Variants in MYH13 observed in about 807,000 individuals in gnomAD.
The protein encoded by MYH13 is myosin heavy chain 13, also known as myosin-13.
In MYH13, 177 loss-of-function variants were observed where a neutral mutation model predicts 232.1. The ratio of observed to expected loss-of-function variants is 0.76; its 90% CI spans 0.67 to 0.86. The LOEUF is 0.86. Ranked by LOEUF, MYH13 falls within the 40% of genes least tolerant of loss-of-function variation. The probability of loss-of-function intolerance (pLI) is 0.00; values close to 1 mark genes in which losing one functional copy is unlikely to be tolerated. For missense variants in MYH13, 2,246 were observed against 2,405.9 expected, an observed-to-expected ratio of 0.93 and a Z score of 1.39; for synonymous variants, 884 against 923.5, an observed-to-expected ratio of 0.96 and a Z score of 0.78.
Position 10,301,716 on chromosome 17 carries a change from CAG to C in MYH13, c.5668-15_5668-14del, listed in dbSNP as rs1906099734. ...TGGCCTGCTCCTCCTGCACAGGAGA[CAG>C]AGGGGGTATGACGCTGTAGAGCCTC... On this transcript the variant is annotated splice_polypyrimidine_tract_variant and intron_variant, in intron 39 of 40. Transcript: ENST00000252172. 6.2e-7 allele frequency: 1 copy of C among 1,612,434 alleles called. No individual in the cohort carries two copies. The highest frequency in any genetic ancestry group is 8.5e-7 in the Non-Finnish European group (1 of 1,179,792).
chr17:10,328,249 G>A, intron 21 of MYH13, 128 bp from the exon 22 acceptor site: 1 of 1,062,062 alleles, frequency 9.4e-7, no homozygotes. Flanking sequence ...AGCCAAGCTT[G>A]GCAGATCCTC....
intron 7 of MYH13, among the ~76,000 whole-genome samples, chr17:10,358,255 C>T (rs1456327041): frequency 6.6e-6 from 1 of 152,112 alleles, no homozygotes; most frequent in African/African-American, 2.4e-5. Context: ...GGGGATGATA[C>T]AATAACAACA....
intron 24 of MYH13, 163 bp from the exon 25 acceptor site, chr17:10,320,659 CCT>C: frequency 1.3e-6 from 1 of 757,432 alleles, no homozygotes; most frequent in Non-Finnish European, 2.1e-6. Context: ...CCCTACCTCC[CCT>C]CTCTTCTGTC....
In MYH13 at chr17:10,309,545, G is replaced by A. The variant is rs375642990; in HGVS notation, c.4942C>T (p.Arg1648Cys). The A allele has an allele frequency of 9.5e-5, 153 of 1,611,626 alleles. 1 individual carries two copies. In the South Asian group the frequency reaches 1.1e-3, roughly 11 times the overall value. The part of the protein sequence containing the change: ...RQMAETQKHL[R>C]TVQGQLKDSQ... ...ACCTTGAGCTGGCCCTGGACCGTGC[G>A]CAGATGCTTCTGGGTCTCTGCCATC... The change falls in exon 34 of 41, where the codon CGC becomes TGC. Residue 1648 changes from arginine to cysteine, a missense_variant. Coordinates refer to ENST00000252172, the MANE Select transcript of MYH13 (RefSeq NM_003802.3).
chr17:10,308,870 C>T (rs1028223623), intron 35 of MYH13, among the ~76,000 whole-genome samples: 29 of 152,094 alleles, frequency 1.9e-4, no homozygotes, highest in East Asian at 1.5e-3. Flanking sequence ...ATAGGTGTGG[C>T]GCTGAGCCGG....
chr17:10,302,597 C>T (rs1162424838), intron 39 of MYH13, among the ~76,000 whole-genome samples: 2 of 152,216 alleles, frequency 1.3e-5, no homozygotes, highest in Non-Finnish European at 2.9e-5. Context: ...GGCAGCCCCA[C>T]CTTCCTGCTA....
chr17:10,336,322 C>T (rs938664667), intron 18 of MYH13, among the ~76,000 whole-genome samples: 11 of 152,224 alleles, frequency 7.2e-5, no homozygotes, highest in Non-Finnish European at 2.9e-5. Flanking sequence ...GAGCTATTCT[C>T]TCATCCTTCT....
At chr17:10,309,886 G>C (rs1437388314) in intron 33 of MYH13, 56 bp from the exon 34 acceptor site, 1 of 1,420,370 alleles carries the variant, frequency 7.0e-7, no homozygotes, top group East Asian at 2.5e-5. Flanking sequence ...TTCATGAATG[G>C]GTATTTTCAT....
chr17:10,353,987 C>T (rs1043568345), intron 11 of MYH13, among the ~76,000 whole-genome samples: 2 of 150,620 alleles, frequency 1.3e-5, no homozygotes, highest in Admixed American at 6.6e-5. Flanking sequence ...CTGTCATTGA[C>T]GAATTGTGTC....
At chr17:10,349,065 C>T (rs2071689634) in intron 12 of MYH13, among the ~76,000 whole-genome samples, 1 of 147,756 alleles carries the variant, frequency 6.8e-6, no homozygotes, top group Admixed American at 6.9e-5. Context: ...CTTCCTTTCC[C>T]TTCCCTTCCC....
intron 18 of MYH13, among the ~76,000 whole-genome samples, chr17:10,335,777 A>C: frequency 6.6e-6 from 1 of 152,076 alleles, no homozygotes; most frequent in East Asian, 1.9e-4. Context: ...GAGAGAGAGA[A>C]AAGATGAGTA....
At position 10,325,402 on chromosome 17, in the gene MYH13, C is replaced by T. The variant is rs987227904; in HGVS notation, c.2692-1138G>A. ...CTATGTTGCCCAGGCTGGTCTCGAG[C>T]TTCTGAGCTCAAGTGATCCTCCTGC... On this transcript the variant is annotated intron_variant, in intron 22 of 40. Transcript: ENST00000252172. 2.6e-5 allele frequency among the ~76,000 whole-genome samples: 4 copies of T among 152,208 alleles called. No homozygotes were observed. In the South Asian group the frequency reaches 8.3e-4, roughly 32 times the overall value.
At chr17:10,338,063 A>G (rs1286894217) in intron 18 of MYH13, among the ~76,000 whole-genome samples, 1 of 152,198 alleles carries the variant, frequency 6.6e-6, no homozygotes, top group Non-Finnish European at 1.5e-5. Flanking sequence ...AAAAAGAAAA[A>G]AAAGTAAGCC....
At chr17:10,316,322 G>A (rs543658227) in intron 27 of MYH13, among the ~76,000 whole-genome samples, 3 of 152,212 alleles carry the variant, frequency 2.0e-5, no homozygotes, top group East Asian at 1.9e-4. Flanking sequence ...TTAGCCAGGC[G>A]TGGTGGTGCA....
rs767003404 is a variant in MYH13 at position 10,364,376 on chromosome 17, A to G, written c.155T>C (p.Ile52Thr). The G allele has an allele frequency of 7.4e-6, 12 of 1,613,954 alleles. No homozygotes were observed. The Admixed American group carries it at 1.2e-4, about 16-fold the overall frequency. ...DNKEMYVKGM[I>T]QTRENDKVIV... is the part of the protein sequence containing the mutation. ...GACTTTGTCATTTTCCCTAGTCTGG[A>G]TCATGCCTTTCACATACATTTCCTT... The change falls in exon 3 of 41, where the codon ATC (isoleucine) becomes ACC (threonine). Residue 52 changes from isoleucine to threonine, a missense_variant. Physicochemically the swap from Ile to Thr is moderately conservative, Grantham distance 89. Coordinates refer to ENST00000252172, the MANE Select transcript of MYH13 (RefSeq NM_003802.3).
At chr17:10,319,991 C>T (rs1463068586) in intron 26 of MYH13, among the ~76,000 whole-genome samples, 162 bp downstream of exon 26, 1 of 152,016 alleles carries the variant, frequency 6.6e-6, no homozygotes, top group South Asian at 2.1e-4. Flanking sequence ...TTATTCAGAA[C>T]ATTAAAATAT....
At chr17:10,358,858 C>T (rs969473849) in intron 7 of MYH13, among the ~76,000 whole-genome samples, 12 of 152,180 alleles carry the variant, frequency 7.9e-5, no homozygotes, top group African/African-American at 2.9e-4. Flanking sequence ...TGTTAAGAAT[C>T]TCTCCTGTTG....
rs866138852 is a variant in MYH13 at position 10,330,459 on chromosome 17, A to G, written c.2363T>C (p.Leu788Pro). 6.2e-7 allele frequency: 1 copy of G among 1,613,064 alleles called. No individual in the cohort carries two copies. Among genetic ancestry groups the G allele is most frequent in the African/African-American group, 1.3e-5 (1 of 75,030 alleles). Reference protein sequence around the residue: ...EEMRDEKLVTLMTSTQAVCRG... With the variant: ...EEMRDEKLVTPMTSTQAVCRG... ...GCACACCGCCTGCGTGCTTGTCATC[A>G]GCGTCACCAGCTTCTCATCTCTCAT... Residue 788 changes from leucine to proline, a missense_variant, in exon 21 of 41, where the codon CTG (leucine) becomes CCG (proline). Leu to Pro is a moderately conservative substitution (Grantham distance 98, BLOSUM62 -3). Coordinates refer to ENST00000252172, the MANE Select transcript of MYH13 (RefSeq NM_003802.3).
intron 5 of MYH13, among the ~76,000 whole-genome samples, chr17:10,361,674 T>A (rs1378260519): frequency 6.6e-6 from 1 of 152,224 alleles, no homozygotes; most frequent in East Asian, 1.9e-4. Context: ...CATCATGGCA[T>A]GACAGTGTTA....
Sources: allele counts gnomAD v4.1 joint callset (sites outside exome capture counted in the v4.1 genomes callset), GRCh38; gene constraint gnomAD v4.1.1; transcripts MANE v1.5; gene names NCBI Gene and HGNC (gene_info 2026-07-23, HGNC 2026-07-21).